The following DGKI variants were observed in gnomAD, a reference collection of about 807,000 sequenced individuals.
DGKI encodes the protein DAG kinase iota.
In DGKI, 55 loss-of-function variants were observed where a neutral mutation model predicts 147.5. The observed-to-expected ratio is 0.37, with a 90% CI of 0.30 to 0.47. DGKI has a LOEUF of 0.47. Among genes scored for constraint, DGKI ranks in the 20% least tolerant of loss-of-function variants. DGKI has a pLI of 1.00. For missense variants in DGKI, 1,007 were observed against 1,323.8 expected (o/e 0.76, Z 3.71); for synonymous variants, 469 against 477.1 (o/e 0.98, Z 0.22).
At chr7:137,699,303 G>C (rs1198300749) in intron 1 of DGKI, among the ~76,000 whole-genome samples, 3 of 152,224 alleles carry the variant, frequency 2.0e-5, no homozygotes, top group Non-Finnish European at 4.4e-5. Flanking sequence ...TTAGGATTGA[G>C]AGGGGGCATA....
At chr7:137,744,463 A>G (rs1795267973) in intron 1 of DGKI, among the ~76,000 whole-genome samples, 1 of 152,160 alleles carries the variant, frequency 6.6e-6, no homozygotes, top group Non-Finnish European at 1.5e-5. Context: ...ATTCTACCAG[A>G]TATACAAAGG....
chr7:137,435,733 C>A (rs1463718827), intron 28 of DGKI, among the ~76,000 whole-genome samples: 1 of 152,144 alleles, frequency 6.6e-6, no homozygotes, highest in Non-Finnish European at 1.5e-5. Flanking sequence ...GTAGGCTCTA[C>A]CTAGCAATGC....
At chr7:137,760,421 T>C (rs1241331355) in intron 1 of DGKI, among the ~76,000 whole-genome samples, 1 of 152,176 alleles carries the variant, frequency 6.6e-6, no homozygotes, top group Non-Finnish European at 1.5e-5. Flanking sequence ...CCTACCTCTG[T>C]GGCCTTCACT....
At chr7:137,415,498 C>G (rs1370551318) in intron 28 of DGKI, among the ~76,000 whole-genome samples, 1 of 152,152 alleles carries the variant, frequency 6.6e-6, no homozygotes, top group South Asian at 2.1e-4. Flanking sequence ...TAATCCCCCA[C>G]AGATACTGAG....
At chr7:137,487,462 T>G (rs1815605422) in intron 22 of DGKI, 148 bp downstream of exon 22, 2 of 715,448 alleles carry the variant, frequency 2.8e-6, no homozygotes, top group Non-Finnish European at 4.9e-6. Flanking sequence ...TGGGAGAGGG[T>G]GACATACAGC....
chr7:137,582,273 C>A (rs1412885832), intron 14 of DGKI, among the ~76,000 whole-genome samples: 1 of 152,064 alleles, frequency 6.6e-6, no homozygotes, highest in African/African-American at 2.4e-5. Flanking sequence ...ATTCACTAAG[C>A]AAACCTAGAA....
At chr7:137,404,772 C>A (rs942615882) in intron 30 of DGKI, among the ~76,000 whole-genome samples, 1 of 152,112 alleles carries the variant, frequency 6.6e-6, no homozygotes, top group African/African-American at 2.4e-5. Context: ...CCCCCACCCC[C>A]CTAAAAAAGA....
At chr7:137,522,976 T>C (rs1817015809) in intron 20 of DGKI, among the ~76,000 whole-genome samples, 1 of 151,792 alleles carries the variant, frequency 6.6e-6, no homozygotes, top group Middle Eastern at 3.2e-3. Flanking sequence ...ACTAACGTCA[T>C]TGACTAAAGT....
intron 1 of DGKI, chr7:137,774,589 C>T (rs1206616857): frequency 6.6e-6 from 1 of 152,162 alleles, no homozygotes. Flanking sequence ...TAAAATTGAA[C>T]TCAACCTTCG....
At chr7:137,660,397 T>A (rs948170901) in intron 3 of DGKI, among the ~76,000 whole-genome samples, 3 of 152,216 alleles carry the variant, frequency 2.0e-5, no homozygotes, top group South Asian at 2.1e-4. Context: ...CCAGCAGCCA[T>A]ACAGTGGTTA....
chr7:137,486,963 T>C (rs1324268222), intron 22 of DGKI, among the ~76,000 whole-genome samples: 1 of 152,140 alleles, frequency 6.6e-6, no homozygotes, highest in South Asian at 2.1e-4. Flanking sequence ...ATTTGTGGAA[T>C]GGAGACGGTT....
At chr7:137,569,594 T>C (rs752954033) in intron 19 of DGKI, among the ~76,000 whole-genome samples, 4 of 150,200 alleles carry the variant, frequency 2.7e-5, no homozygotes, top group Non-Finnish European at 5.9e-5. Flanking sequence ...CCGGGCGTGG[T>C]GGTGGGCGCC....
chr7:137,742,221 C>T (rs1205154237), intron 1 of DGKI, among the ~76,000 whole-genome samples: 7 of 152,088 alleles, frequency 4.6e-5, no homozygotes, highest in African/African-American at 1.7e-4. Flanking sequence ...CTGATGACTG[C>T]CATCCCTCCT....
intron 21 of DGKI, among the ~76,000 whole-genome samples, chr7:137,494,842 T>A (rs1815900871): frequency 6.6e-6 from 1 of 152,086 alleles, no homozygotes; most frequent in Non-Finnish European, 1.5e-5. Flanking sequence ...TGAATGTAAA[T>A]GTGTTAAATG....
chr7:137,620,028 C>CAA, intron 7 of DGKI, 88 bp from the exon 8 acceptor site: 2 of 724,230 alleles, frequency 2.8e-6, no homozygotes, highest in Non-Finnish European at 2.4e-6. Flanking sequence ...CGCACACACA[C>CAA]ACACACACAC....
intron 20 of DGKI, among the ~76,000 whole-genome samples, chr7:137,538,805 T>C (rs1018229620): frequency 6.6e-6 from 1 of 152,124 alleles, no homozygotes; most frequent in Non-Finnish European, 1.5e-5. Flanking sequence ...TTTGAGAACT[T>C]TGAAAAGTAA....
At chr7:137,705,906 A>G (rs2116535267) in intron 1 of DGKI, among the ~76,000 whole-genome samples, 1 of 152,180 alleles carries the variant, frequency 6.6e-6, no homozygotes. Flanking sequence ...GGTCAGGAGG[A>G]AAACAATAAA....
chr7:137,654,760 C>G lies in DGKI; in HGVS notation c.710G>C (p.Arg237Pro). 6.2e-7 allele frequency: 1 copy of G among 1,607,854 alleles called. No homozygotes were observed. Among genetic ancestry groups the G allele is most frequent in the Non-Finnish European group, 8.5e-7 (1 of 1,175,868 alleles). The part of the protein sequence containing the change: ...KINFRCKPTF[R>P]EGGSRSPREN... ...TCTTGGTGACCTTGAGCCTCCTTCT[C>G]GAAATGTTGGTTTACATCTGAAATT... The change falls in exon 5 of 33, where the codon CGA becomes CCA. Residue 237 changes from arginine to proline, a missense_variant. By Grantham distance (103) the Arg-to-Pro change is moderately radical (BLOSUM62 -2). This residue lies in a region of DGKI where 259 missense variants were observed against 362.5 expected (regional missense o/e 0.71). Coordinates refer to ENST00000614521, the MANE Select transcript of DGKI (RefSeq NM_001321708.2).
intron 23 of DGKI, among the ~76,000 whole-genome samples, chr7:137,479,942 A>C (rs1815314623): frequency 6.6e-6 from 1 of 152,126 alleles, no homozygotes; most frequent in Non-Finnish European, 1.5e-5. Context: ...TTAATATCTT[A>C]AAACCCCTCC....
Sources: allele counts gnomAD v4.1 joint callset (sites outside exome capture counted in the v4.1 genomes callset), GRCh38; gene constraint gnomAD v4.1.1; regional missense constraint gnomAD v4.1.1; transcripts MANE v1.5; gene names NCBI Gene and HGNC (gene_info 2026-07-23, HGNC 2026-07-21).